The following ASCC1 variants were observed in gnomAD, a reference collection of about 807,000 sequenced individuals.
ASCC1 encodes the protein activating signal cointegrator 1 complex subunit 1.
ASCC1 carries 35 observed loss-of-function variants against 46.6 expected under a neutral mutation model. The ratio of observed to expected loss-of-function variants is 0.75; its 90% CI spans 0.57 to 0.99. The LOEUF (loss-of-function observed/expected upper bound fraction) is 0.99. ASCC1 is among the 50% of genes least tolerant of loss of function. The pLI is 0.00. For synonymous variants in ASCC1, 143 were observed against 146.6 expected (o/e 0.98, Z 0.18); for missense variants, 376 against 428.7 (o/e 0.88, Z 1.09).
chr10:72,159,282 G>A (rs1389512231), intron 6 of ASCC1: 2 of 152,044 alleles, frequency 1.3e-5, no homozygotes, highest in Non-Finnish European at 2.9e-5. Context: ...TTATTCCCCA[G>A]GCACACTAAC....
At chr10:72,126,935 C>T (rs60949556) in intron 9 of ASCC1, among the ~76,000 whole-genome samples, 3,866 of 152,208 alleles carry the variant, frequency 0.025, 193 homozygotes, top group African/African-American at 0.089. Context: ...AATGCAGGTG[C>T]GGGAATGCCT....
chr10:72,184,006 T>A (rs1301102300), intron 5 of ASCC1, among the ~76,000 whole-genome samples: 2 of 151,842 alleles, frequency 1.3e-5, no homozygotes, highest in South Asian at 2.1e-4. Flanking sequence ...TAGCCAAGTG[T>A]GGTGGCATGC....
chr10:72,117,040 C>T (rs1843569650), intron 9 of ASCC1, among the ~76,000 whole-genome samples: 1 of 152,190 alleles, frequency 6.6e-6, no homozygotes, highest in African/African-American at 2.4e-5. Flanking sequence ...TGAAGCGATT[C>T]TCCTGCCTCA....
Position 72,096,450 on chromosome 10 carries a change from G to T in ASCC1, c.*884C>A, listed in dbSNP as rs569401308. The stretch of plus-strand genomic sequence containing the variant: ...CATGGGAAGATGAGGGTGGGGATGG[G>T]GTGAAGGAACAGGAATCCAACAAAT... On this transcript the variant is annotated 3_prime_UTR_variant, in exon 10 of 10. Coordinates refer to ENST00000672957, the MANE Select transcript of ASCC1 (RefSeq NM_001198800.3). The T allele has an allele frequency of 1.3e-5, 6 of 454,168 alleles. No homozygotes were observed. The highest frequency in any genetic ancestry group is 1.0e-4 in the African/African-American group (5 of 50,120). 28.1% of individuals were successfully genotyped at this position (454,168 alleles called of 1,614,324 possible).
intron 3 of ASCC1, among the ~76,000 whole-genome samples, chr10:72,210,176 T>A (rs1223346056): frequency 3.3e-5 from 5 of 150,878 alleles, no homozygotes; most frequent in East Asian, 1.9e-4. Flanking sequence ...TTTTTTTTTT[T>A]AAGACTAAGT....
chr10:72,150,307 T>C (rs994231510), intron 7 of ASCC1, among the ~76,000 whole-genome samples: 7 of 152,162 alleles, frequency 4.6e-5, no homozygotes, highest in Admixed American at 6.5e-5. Flanking sequence ...TAAGACACCA[T>C]TGAGATTATC....
At chr10:72,198,810 A>G (rs946450320) in intron 4 of ASCC1, 1 of 395,256 alleles carries the variant, frequency 2.5e-6, no homozygotes, top group South Asian at 1.9e-5. Flanking sequence ...TACAAGATCA[A>G]TAAGCCAGTT....
intron 1 of ASCC1, 93 bp from the exon 2 acceptor site, chr10:72,213,424 T>A: frequency 1.4e-6 from 1 of 714,118 alleles, no homozygotes; most frequent in African/African-American, 1.8e-5. Flanking sequence ...GAATTGGGCA[T>A]CAGTTCACAG....
At chr10:72,206,069 A>C (rs1378178088) in intron 3 of ASCC1, among the ~76,000 whole-genome samples, 3 of 147,706 alleles carry the variant, frequency 2.0e-5, no homozygotes, top group African/African-American at 7.7e-5. Flanking sequence ...GTGCCATTCC[A>C]CTCCAGCCTG....
At chr10:72,116,460 T>C (rs1236746989) in intron 9 of ASCC1, among the ~76,000 whole-genome samples, 1 of 152,244 alleles carries the variant, frequency 6.6e-6, no homozygotes, top group Non-Finnish European at 1.5e-5. Context: ...TGGGCTTCTT[T>C]AATCTTCAGA....
At chr10:72,208,500 C>G (rs1242635107) in intron 3 of ASCC1, among the ~76,000 whole-genome samples, 1 of 152,146 alleles carries the variant, frequency 6.6e-6, no homozygotes, top group Non-Finnish European at 1.5e-5. Context: ...TGGCTCACGC[C>G]TGTAATCCCA....
chr10:72,176,478 G>C (rs553795870), intron 5 of ASCC1, among the ~76,000 whole-genome samples: 8 of 151,958 alleles, frequency 5.3e-5, no homozygotes, highest in African/African-American at 1.9e-4. Context: ...CAAGTAGCTG[G>C]GACCTCAGGT....
At chr10:72,121,527 A>G (rs111853064) in intron 9 of ASCC1, among the ~76,000 whole-genome samples, 3 of 133,876 alleles carry the variant, frequency 2.2e-5, no homozygotes, top group South Asian at 2.1e-4. Context: ...TAAAAAAAAA[A>G]AAAAGAAAAG....
chr10:72,101,832 A>G (rs1841800491), intron 9 of ASCC1, among the ~76,000 whole-genome samples: 1 of 152,172 alleles, frequency 6.6e-6, no homozygotes, highest in African/African-American at 2.4e-5. Flanking sequence ...TGAGTGTCTC[A>G]ACTACAAACA....
intron 1 of ASCC1, among the ~76,000 whole-genome samples, chr10:72,214,341 G>A (rs145140203): frequency 6.2e-4 from 92 of 147,844 alleles, no homozygotes; most frequent in Admixed American, 2.1e-3. Context: ...AACTTCAGTG[G>A]TTATCTAACC....
intron 5 of ASCC1, among the ~76,000 whole-genome samples, chr10:72,165,949 T>C (rs969370242): frequency 2.0e-5 from 3 of 152,212 alleles, no homozygotes; most frequent in Non-Finnish European, 2.9e-5. Context: ...ACGTTTTCTA[T>C]GCAATGTATA....
At chr10:72,135,124 T>C (rs1846034557) in intron 7 of ASCC1, among the ~76,000 whole-genome samples, 1 of 152,096 alleles carries the variant, frequency 6.6e-6, no homozygotes, top group African/African-American at 2.4e-5. Flanking sequence ...GACAAGAAAT[T>C]ATCCAACAGA....
chr10:72,170,367 T>C (rs1158588004), intron 5 of ASCC1, among the ~76,000 whole-genome samples: 1 of 151,936 alleles, frequency 6.6e-6, no homozygotes, highest in Non-Finnish European at 1.5e-5. Flanking sequence ...TATGCAATGC[T>C]CCATCCAGGA....
chr10:72,170,127 A>G (rs1438681016), intron 5 of ASCC1, among the ~76,000 whole-genome samples: 2 of 152,146 alleles, frequency 1.3e-5, no homozygotes, highest in Non-Finnish European at 2.9e-5. Flanking sequence ...TCTCAAAGAA[A>G]AAAAAAAAAA....
Sources: gnomAD v4.1 joint callset for allele counts (sites outside exome capture counted in the v4.1 genomes callset) on GRCh38, gnomAD v4.1.1 for gene constraint, MANE v1.5 for transcripts, NCBI Gene and HGNC (gene_info 2026-07-23, HGNC 2026-07-21) for gene names.